The following RNLS variants were observed in gnomAD, a reference collection of about 807,000 sequenced individuals.
RNLS encodes renalase, FAD dependent amine oxidase, also known as renalase.
In RNLS, 39 loss-of-function variants were observed where a neutral mutation model predicts 39.8. The observed-to-expected ratio is 0.98, with a 90% confidence interval of 0.76 to 1.28. RNLS has a LOEUF of 1.28. Among genes scored for constraint, RNLS ranks in the 50% most tolerant of loss-of-function variants. RNLS has a pLI of 0.00. For synonymous variants in RNLS, 147 were observed against 150.7 expected (o/e 0.98, Z 0.18); for missense variants, 410 against 413.3 (o/e 0.99, Z 0.07).
At chr10:88,327,561 C>T (rs1846717865) in intron 5 of RNLS, among the ~76,000 whole-genome samples, 1 of 152,150 alleles carries the variant, frequency 6.6e-6, no homozygotes, top group African/African-American at 2.4e-5. Context: ...AACTGTGAGT[C>T]AATTAAACCT....
the RNLS span, among the ~76,000 whole-genome samples, chr10:88,193,674 T>G: frequency 2.0e-5 from 3 of 152,164 alleles, no homozygotes; most frequent in Non-Finnish European, 4.4e-5. Context: ...CCTCTCCTAT[T>G]TACTGTAGTT....
At chr10:88,452,257 G>A (rs1381650685) in intron 4 of RNLS, among the ~76,000 whole-genome samples, 2 of 152,186 alleles carry the variant, frequency 1.3e-5, no homozygotes, top group African/African-American at 4.8e-5. Context: ...ATCATATCAA[G>A]TGGTCATGAT....
chr10:88,432,853 A>G (rs193107330), intron 4 of RNLS, among the ~76,000 whole-genome samples: 7 of 152,162 alleles, frequency 4.6e-5, no homozygotes, highest in Non-Finnish European at 8.8e-5. Flanking sequence ...TCCAGAATAC[A>G]TCTTATTGTT....
At chr10:88,518,705 G>C (rs1846539669) in intron 4 of RNLS, among the ~76,000 whole-genome samples, 1 of 151,960 alleles carries the variant, frequency 6.6e-6, no homozygotes, top group Admixed American at 6.6e-5. Flanking sequence ...TACCTAGAGA[G>C]AGGAGAAAAG....
chr10:88,454,395 T>C (rs1842514698), intron 4 of RNLS, among the ~76,000 whole-genome samples: 1 of 152,208 alleles, frequency 6.6e-6, no homozygotes, highest in Non-Finnish European at 1.5e-5. Flanking sequence ...TGTATCCATG[T>C]CTGGAGAAGT....
At position 88,285,417 on chromosome 10, in the gene RNLS, G is replaced by A; in HGVS notation, c.966C>T (p.Ser322=). ...CAGAAGTGATGCAGCCATCAAAGTT[G>A]GACTGAGTAAATCCATCCCCTCCAC... ...LACGGDGFTQ[S]NFDGCITSAL... Residue 322 remains serine, a synonymous_variant, in exon 7 of 7, where the codon TCC becomes TCT. Coordinates refer to ENST00000331772, the MANE Select transcript of RNLS (RefSeq NM_001031709.3). 1 of 1,613,098 alleles carries A rather than the reference G, an allele frequency of 6.2e-7. No homozygotes were observed. Among genetic ancestry groups the A allele is most frequent in the African/African-American group, 1.3e-5 (1 of 74,940 alleles).
At chr10:88,394,742 C>A (rs928723451) in intron 4 of RNLS, among the ~76,000 whole-genome samples, 5 of 152,162 alleles carry the variant, frequency 3.3e-5, no homozygotes, top group African/African-American at 1.2e-4. Context: ...GACACATGCA[C>A]ACGTATGTTT....
chr10:88,370,663 G>A (rs1001362969), intron 4 of RNLS, among the ~76,000 whole-genome samples: 1 of 152,168 alleles, frequency 6.6e-6, no homozygotes, highest in African/African-American at 2.4e-5. Flanking sequence ...CTAGCTTTGT[G>A]CACTTTGTGG....
the RNLS span, among the ~76,000 whole-genome samples, chr10:88,249,273 A>C: frequency 1.3e-5 from 2 of 152,222 alleles, no homozygotes; most frequent in Non-Finnish European, 2.9e-5. Flanking sequence ...CCTGAGCCTC[A>C]TCAATACCAA....
intron 4 of RNLS, among the ~76,000 whole-genome samples, chr10:88,404,804 A>G (rs1167326996): frequency 6.6e-6 from 1 of 152,094 alleles, no homozygotes; most frequent in Non-Finnish European, 1.5e-5. Flanking sequence ...ATTAAGTGAA[A>G]TACAGTGTAC....
intron 4 of RNLS, among the ~76,000 whole-genome samples, chr10:88,420,714 A>G (rs1300583690): frequency 1.3e-5 from 2 of 152,252 alleles, no homozygotes; most frequent in Non-Finnish European, 2.9e-5. Context: ...AAATAAGATA[A>G]CATTTACAGA....
chr10:88,311,902 T>C (rs926491514), intron 6 of RNLS, among the ~76,000 whole-genome samples: 6 of 152,164 alleles, frequency 3.9e-5, no homozygotes, highest in Non-Finnish European at 7.3e-5. Flanking sequence ...CACAAAATAC[T>C]CCTCTTATCT....
the RNLS span, among the ~76,000 whole-genome samples, chr10:88,232,375 G>A: frequency 2.4e-4 from 37 of 152,328 alleles, no homozygotes; most frequent in African/African-American, 7.5e-4. Context: ...TAGAAAAAGA[G>A]GTGATTTTCA....
intron 4 of RNLS, among the ~76,000 whole-genome samples, chr10:88,557,127 T>C (rs895900666): frequency 6.6e-6 from 1 of 152,184 alleles, no homozygotes; most frequent in Non-Finnish European, 1.5e-5. Context: ...TTTTAATTTC[T>C]CTTCTTGGAG....
In RNLS at chr10:88,285,451, A is replaced by G. The variant is rs867845587; in HGVS notation, c.932T>C (p.Phe311Ser). 1 of 1,613,326 alleles carries G rather than the reference A, an allele frequency of 6.2e-7. No homozygotes were observed. The highest frequency in any genetic ancestry group is 8.5e-7 in the Non-Finnish European group (1 of 1,179,506). Residue 311 changes from phenylalanine to serine, a missense_variant, in exon 7 of 7, where the codon TTC becomes TCC. Phe to Ser is a radical substitution (Grantham distance 155). Transcript: ENST00000331772. ...AAATCCATCCCCTCCACATGCAAGGAAAGGTTTGTGATGCAGAGTCATTTG... is the reference window on the plus strand; with the variant it reads ...AAATCCATCCCCTCCACATGCAAGGGAAGGTTTGTGATGCAGAGTCATTTG... Reference protein sequence around the residue: ...PGQMTLHHKPFLACGGDGFTQ... With the variant: ...PGQMTLHHKPSLACGGDGFTQ...
chr10:88,531,365 A>C (rs1847414652), intron 4 of RNLS, among the ~76,000 whole-genome samples: 1 of 152,060 alleles, frequency 6.6e-6, no homozygotes, highest in Non-Finnish European at 1.5e-5. Context: ...CTTTTAGATA[A>C]GTTGTATGTA....
chr10:88,231,286 T>A, the RNLS span, among the ~76,000 whole-genome samples: 85 of 152,302 alleles, frequency 5.6e-4, no homozygotes, highest in Non-Finnish European at 1.5e-4. Context: ...AGGATACAGA[T>A]GTGCACGCAC....
chr10:88,234,452 G>T, the RNLS span, among the ~76,000 whole-genome samples: 1 of 152,150 alleles, frequency 6.6e-6, no homozygotes, highest in Non-Finnish European at 1.5e-5. Context: ...GACACCCTGG[G>T]AGGGCAAGTA....
In RNLS at chr10:88,370,324, TAA is replaced by T. The variant is rs574380174; in HGVS notation, c.527-7601_527-7600del. 4.2e-3 allele frequency among the ~76,000 whole-genome samples: 635 copies of T among 152,282 alleles called. 5 individuals carry two copies. The highest frequency in any genetic ancestry group is 0.014 in the African/African-American group (586 of 41,572). On this transcript the variant is annotated intron_variant, in intron 4 of 6. Coordinates refer to ENST00000331772, the MANE Select transcript of RNLS (RefSeq NM_001031709.3). Reference sequence around the variant, plus strand: ...ATGTTAATAGTAAAATAAACACTTTTAAAAAGTGTATCAAGGTATTTATTACC... The same window carrying T: ...ATGTTAATAGTAAAATAAACACTTTTAAAGTGTATCAAGGTATTTATTACC...
Sources: gnomAD v4.1 joint callset for allele counts (sites outside exome capture counted in the v4.1 genomes callset) on GRCh38, gnomAD v4.1.1 for gene constraint, MANE v1.5 for transcripts, NCBI Gene and HGNC (gene_info 2026-07-23, HGNC 2026-07-21) for gene names.